The following IL3RA variants were observed in gnomAD, a reference collection of about 807,000 sequenced individuals.
IL3RA encodes interleukin-3 receptor subunit alpha.
Under a neutral mutation model 52.3 loss-of-function variants are expected in IL3RA, and 73 were observed. The ratio of observed to expected loss-of-function variants is 1.40; its 90% confidence interval spans 1.16 to 1.70. The LOEUF is 1.70. Ranked by LOEUF, IL3RA falls within the 40% of genes most tolerant of loss-of-function variation. The probability of loss-of-function intolerance (pLI) is 0.00; values close to 1 mark genes in which losing one functional copy is unlikely to be tolerated. For synonymous variants in IL3RA, 260 were observed against 194.0 expected, an observed-to-expected ratio of 1.34 and a Z score of -2.83; for missense variants, 664 against 504.4, an observed-to-expected ratio of 1.32 and a Z score of -3.03.
rs1411780460 is a variant in IL3RA at position 1,348,563 on chromosome X, T to C, written c.298+18T>C. ...TGAGAACAGTGAGAAAAATGTTCATTGTTTGTTTATTCTCTATTCCCTCCC... is the reference window on the plus strand; with the variant it reads ...TGAGAACAGTGAGAAAAATGTTCATCGTTTGTTTATTCTCTATTCCCTCCC... On this transcript the variant is annotated intron_variant, in intron 4 of 11. Transcript: ENST00000331035. 8 of 1,577,254 alleles carry C rather than the reference T, an allele frequency of 5.1e-6. No homozygotes were observed. The highest frequency in any genetic ancestry group is 7.0e-6 in the Non-Finnish European group (8 of 1,146,396).
At chrX:1,379,111 G>A (rs1189435099) in intron 10 of IL3RA, among the ~76,000 whole-genome samples, 1 of 152,008 alleles carries the variant, frequency 6.6e-6, no homozygotes, top group Non-Finnish European at 1.5e-5. Context: ...CTAAAGTGCT[G>A]GGATTACAGG....
chrX:1,346,381 T>C lies in IL3RA; in HGVS notation c.183+947T>C, dbSNP rs576034068. 3.5e-4 allele frequency among the ~76,000 whole-genome samples: 53 copies of C among 151,006 alleles called. 1 individual carries two copies. Among genetic ancestry groups the C allele is most frequent in the African/African-American group, 1.2e-3 (49 of 40,868 alleles). ...TTGAACCCGGGAGGCAGAGGTTGCATTGAGCCGAGACTGTGCCACTGCACT... is the reference window on the plus strand; with the variant it reads ...TTGAACCCGGGAGGCAGAGGTTGCACTGAGCCGAGACTGTGCCACTGCACT... On this transcript the variant is annotated intron_variant, in intron 3 of 11. Coordinates refer to ENST00000331035, the MANE Select transcript of IL3RA (RefSeq NM_002183.4).
chrX:1,361,818 T>C (rs189088837), intron 8 of IL3RA, among the ~76,000 whole-genome samples: 4 of 148,776 alleles, frequency 2.7e-5, no homozygotes, highest in East Asian at 2.0e-4. Flanking sequence ...AACCATTAGA[T>C]CTCGTGAGAC....
chrX:1,382,490 GT>G lies in IL3RA; in HGVS notation c.*26del. On this transcript the variant is annotated 3_prime_UTR_variant, in exon 12 of 12. Coordinates refer to ENST00000331035, the MANE Select transcript of IL3RA (RefSeq NM_002183.4). ...AGACTGGGGTTCAGGGCTTGTGGGG[GT>G]CTGCCTCAATCTCCCTGGCCGGGCC... 6.2e-7 allele frequency: 1 copy of G among 1,609,586 alleles called. No individual in the cohort carries two copies. The highest frequency in any genetic ancestry group is 8.5e-7 in the Non-Finnish European group (1 of 1,176,128).
Position 1,381,105 on chromosome X carries a change from G to C in IL3RA, c.1062+1G>C, listed in dbSNP as rs1273681011. ...TGACAGCTTCCAAAACGACAAGCTG[G>C]TATGTTGTTTTTTCTGCCTTGGGAC... On this transcript the variant is annotated splice_donor_variant, in intron 11 of 11. Coordinates refer to ENST00000331035, the MANE Select transcript of IL3RA (RefSeq NM_002183.4). LOFTEE classifies it high-confidence loss of function. 5 of 1,613,708 alleles carry C rather than the reference G, an allele frequency of 3.1e-6. No homozygotes were observed. In the Admixed American group the frequency reaches 5.0e-5, roughly 16 times the overall value.
chrX:1,358,840 T>A lies in IL3RA; in HGVS notation c.733-21T>A, dbSNP rs747503377. Reference sequence around the variant, plus strand: ...AGGGACGGTCCAGACACTCAAAAGTTTGCTTGCTTTTGTGTTGCAGAGAAT... The same window carrying A: ...AGGGACGGTCCAGACACTCAAAAGTATGCTTGCTTTTGTGTTGCAGAGAAT... On this transcript the variant is annotated intron_variant, in intron 7 of 11. Coordinates refer to ENST00000331035, the MANE Select transcript of IL3RA (RefSeq NM_002183.4). The A allele has an allele frequency of 1.9e-6, 3 of 1,613,278 alleles. No homozygotes were observed. In the South Asian group the frequency reaches 3.3e-5, roughly 18 times the overall value.
At chrX:1,370,743 C>G (rs1350681643) in intron 9 of IL3RA, among the ~76,000 whole-genome samples, 22 of 47,360 alleles carry the variant, frequency 4.6e-4, no homozygotes, top group South Asian at 1.2e-3. Context: ...CTGAGATGGA[C>G]TAAGCCATCT....
intron 11 of IL3RA, among the ~76,000 whole-genome samples, chrX:1,381,434 G>T (rs1265604666): frequency 1.3e-5 from 2 of 152,124 alleles, no homozygotes; most frequent in Non-Finnish European, 2.9e-5. Flanking sequence ...GCGCTGGTGG[G>T]CGGCTGGGAA....
intron 9 of IL3RA, among the ~76,000 whole-genome samples, chrX:1,377,015 C>G (rs1242889722): frequency 2.2e-4 from 33 of 147,838 alleles, no homozygotes; most frequent in Non-Finnish European, 4.9e-4. Context: ...CTCTGGTATT[C>G]TGTGACAGCA....
At chrX:1,364,179 C>G (rs1446124481) in intron 8 of IL3RA, among the ~76,000 whole-genome samples, 1 of 141,992 alleles carries the variant, frequency 7.0e-6, no homozygotes, top group Non-Finnish European at 1.5e-5. Flanking sequence ...CAGAGTGAGA[C>G]TCCATCTCAA....
intron 8 of IL3RA, among the ~76,000 whole-genome samples, chrX:1,361,632 G>C (rs191881950): frequency 6.6e-6 from 1 of 151,458 alleles, no homozygotes; most frequent in African/African-American, 2.4e-5. Context: ...AGGCGCCTGT[G>C]GTCCCAGCTA....
chrX:1,347,265 G>C (rs1252407447), intron 3 of IL3RA, among the ~76,000 whole-genome samples: 1 of 145,388 alleles, frequency 6.9e-6, no homozygotes, highest in Non-Finnish European at 1.5e-5. Context: ...CTAACACGGT[G>C]AAACCCCGTC....
intron 4 of IL3RA, among the ~76,000 whole-genome samples, 159 bp downstream of exon 4, chrX:1,348,704 C>CTTTCTT (rs1203615275): frequency 6.3e-5 from 5 of 79,160 alleles, no homozygotes; most frequent in South Asian, 8.0e-4. Flanking sequence ...TTCTTTCTTT[C>CTTTCTT]TGTTTCTGTT....
Position 1,365,292 on chromosome X carries a change from A to AGCGGGGTGC in IL3RA, c.874+49_874+57dup, listed in dbSNP as rs746006049. The AGCGGGGTGC allele has an allele frequency of 3.2e-5, 36 of 1,116,020 alleles. 1 individual carries two copies. In the African/African-American group the frequency reaches 8.4e-4, roughly 26 times the overall value. 69.1% of individuals were successfully genotyped at this position (1,116,020 alleles called of 1,614,324 possible). A position where few individuals can be genotyped will look rare whatever the true frequency, so the allele number is the denominator to read the frequency against. ...CGGGGTGCGCGGGGTGAGCGGGGTG[A>AGCGGGGTGC]GCGGGGTGCGCGGGGTGAGCGGGGT... On this transcript the variant is annotated intron_variant, in intron 9 of 11. Transcript: ENST00000331035.
intron 9 of IL3RA, among the ~76,000 whole-genome samples, chrX:1,378,040 C>T (rs1484607908): frequency 1.6e-4 from 24 of 150,982 alleles, no homozygotes; most frequent in African/African-American, 2.4e-4. Flanking sequence ...ACAAAAATTA[C>T]CCGGGCGTGG....
rs758977921 is a variant in IL3RA at position 1,378,759 on chromosome X, CAGA to C, written c.978_980del (p.Arg327del). The C allele has an allele frequency of 5.0e-5, 80 of 1,612,178 alleles. 1 individual carries two copies. In the South Asian group the frequency reaches 7.6e-4, roughly 15 times the overall value. ...CCCTGGTCTGTGTCTTCGTGATCTG[CAGA>C]AGGTGAGCCCTCGAGGGCGTCCGCG... On this transcript the variant is annotated inframe_deletion and splice_region_variant, in exon 10 of 12. Transcript: ENST00000331035.
At chrX:1,367,657 G>C (rs1402804620) in intron 9 of IL3RA, among the ~76,000 whole-genome samples, 1 of 106,706 alleles carries the variant, frequency 9.4e-6, no homozygotes, top group Non-Finnish European at 1.9e-5. Context: ...CGGGTGCGCG[G>C]GGTGAGCCGG....
intron 11 of IL3RA, among the ~76,000 whole-genome samples, chrX:1,381,669 C>G (rs1401771839): frequency 1.3e-5 from 2 of 151,650 alleles, no homozygotes; most frequent in South Asian, 2.1e-4. Flanking sequence ...CTCAGCCTCC[C>G]GAGTAGCTGG....
At chrX:1,380,322 C>T (rs2089083743) in intron 10 of IL3RA, among the ~76,000 whole-genome samples, 1 of 145,036 alleles carries the variant, frequency 6.9e-6, no homozygotes, top group African/African-American at 2.6e-5. Context: ...GCCACCATGA[C>T]CAGCCAGGCC....
Sources: allele counts gnomAD v4.1 joint callset (sites outside exome capture counted in the v4.1 genomes callset), GRCh38; gene constraint gnomAD v4.1.1; transcripts MANE v1.5; gene names NCBI Gene and HGNC (gene_info 2026-07-23, HGNC 2026-07-21).